The following DPYD variants were observed in gnomAD, a reference collection of about 807,000 sequenced individuals.
DPYD encodes dihydropyrimidine dehydrogenase [NADP(+)].
In DPYD, 109 loss-of-function variants were observed where a neutral mutation model predicts 116.2. That is an observed-to-expected ratio of 0.94 (90% confidence interval 0.80 to 1.10). The LOEUF (loss-of-function observed/expected upper bound fraction) is 1.10, where lower values mean the gene tolerates loss of function less well. DPYD is among the 50% of genes least tolerant of loss of function. The pLI, the probability that DPYD is intolerant of heterozygous loss-of-function variation, is 0.00. For missense variants in DPYD, 1,302 were observed against 1,254.5 expected, an observed-to-expected ratio of 1.04 and a Z score of -0.57; for synonymous variants, 440 against 432.0, an observed-to-expected ratio of 1.02 and a Z score of -0.23.
At chr1:97,371,992 T>A (rs1342165602) in intron 16 of DPYD, among the ~76,000 whole-genome samples, 1 of 152,170 alleles carries the variant, frequency 6.6e-6, no homozygotes, top group East Asian at 1.9e-4. Flanking sequence ...AAACTTTATG[T>A]GGCTAAATAA....
intron 1 of DPYD, among the ~76,000 whole-genome samples, chr1:97,912,706 G>C (rs536164743): frequency 1.3e-5 from 2 of 152,000 alleles, no homozygotes; most frequent in African/African-American, 4.8e-5. Flanking sequence ...ATTACACTAA[G>C]GTTACACTAA....
intron 8 of DPYD, among the ~76,000 whole-genome samples, chr1:97,604,167 A>G (rs1655430803): frequency 6.6e-6 from 1 of 152,128 alleles, no homozygotes; most frequent in Non-Finnish European, 1.5e-5. Flanking sequence ...GAAACGATGG[A>G]GAGCTGCTCA....
chr1:97,772,346 CTTTT>C (rs1666188406), intron 3 of DPYD, among the ~76,000 whole-genome samples: 1 of 152,082 alleles, frequency 6.6e-6, no homozygotes, highest in Non-Finnish European at 1.5e-5. Flanking sequence ...TTCTTTCTTT[CTTTT>C]ATTAAAGGAA....
At chr1:97,145,094 C>A (rs914683081) in intron 20 of DPYD, among the ~76,000 whole-genome samples, 1 of 152,074 alleles carries the variant, frequency 6.6e-6, no homozygotes, top group African/African-American at 2.4e-5. Context: ...CCTTGCTAAA[C>A]GTACTGCAGT....
intron 3 of DPYD, among the ~76,000 whole-genome samples, chr1:97,827,886 T>C (rs1383018025): frequency 6.6e-6 from 1 of 152,148 alleles, no homozygotes; most frequent in Admixed American, 6.5e-5. Context: ...CCCTTAAGCA[T>C]TTTAAGTAAC....
chr1:97,714,524 T>C (rs1036464983), intron 5 of DPYD, among the ~76,000 whole-genome samples: 6 of 151,944 alleles, frequency 3.9e-5, no homozygotes, highest in Non-Finnish European at 8.8e-5. Flanking sequence ...AGACCCCTTC[T>C]AAGGCCTTGT....
At chr1:97,094,120 C>A (rs112869512) in intron 21 of DPYD, among the ~76,000 whole-genome samples, 4 of 152,158 alleles carry the variant, frequency 2.6e-5, no homozygotes, top group African/African-American at 9.6e-5. Flanking sequence ...CTTTCTCAGT[C>A]TTCATTCATT....
chr1:97,664,531 C>T (rs1557869743), intron 8 of DPYD, among the ~76,000 whole-genome samples: 1 of 151,796 alleles, frequency 6.6e-6, no homozygotes, highest in Admixed American at 6.6e-5. Flanking sequence ...TGTATATCTA[C>T]ATAATATATA....
At chr1:97,457,083 C>T (rs1262591708) in intron 13 of DPYD, among the ~76,000 whole-genome samples, 4 of 151,916 alleles carry the variant, frequency 2.6e-5, no homozygotes, top group South Asian at 2.1e-4. Context: ...AGATACTCTA[C>T]GTAAGCAGGG....
intron 12 of DPYD, among the ~76,000 whole-genome samples, chr1:97,530,940 C>G (rs919903576): frequency 6.6e-6 from 1 of 152,086 alleles, no homozygotes; most frequent in African/African-American, 2.4e-5. Context: ...ATTCAAGTCC[C>G]TTGCTAATTT....
chr1:97,193,765 C>T (rs1241004829), intron 19 of DPYD, among the ~76,000 whole-genome samples: 2 of 142,350 alleles, frequency 1.4e-5, no homozygotes, highest in Non-Finnish European at 3.0e-5. Flanking sequence ...CAACTATGAT[C>T]CAGTTACCCA....
At chr1:97,636,674 C>T (rs1657579934) in intron 8 of DPYD, among the ~76,000 whole-genome samples, 1 of 151,526 alleles carries the variant, frequency 6.6e-6, no homozygotes, top group Non-Finnish European at 1.5e-5. Flanking sequence ...CTTTTGCTTC[C>T]CCACTTCTCT....
chr1:97,724,216 T>C (rs1663079468), intron 4 of DPYD, among the ~76,000 whole-genome samples: 1 of 151,252 alleles, frequency 6.6e-6, no homozygotes, highest in Non-Finnish European at 1.5e-5. Flanking sequence ...CTTCCTCCAA[T>C]ATCAAGAAAA....
intron 8 of DPYD, among the ~76,000 whole-genome samples, chr1:97,644,672 C>T (rs1308931510): frequency 6.6e-6 from 1 of 151,146 alleles, no homozygotes; most frequent in Admixed American, 6.6e-5. Flanking sequence ...ATTGGCCAGG[C>T]TGGTCTCAAA....
chr1:97,176,240 A>G (rs1657248920), intron 20 of DPYD, among the ~76,000 whole-genome samples: 1 of 152,234 alleles, frequency 6.6e-6, no homozygotes, highest in Non-Finnish European at 1.5e-5. Flanking sequence ...ACCTCCCACA[A>G]GCTGATGCCT....
intron 20 of DPYD, among the ~76,000 whole-genome samples, chr1:97,167,523 C>T (rs1324029389): frequency 6.6e-6 from 1 of 152,054 alleles, no homozygotes; most frequent in Non-Finnish European, 1.5e-5. Context: ...CTACAAAAGT[C>T]TACAGCAAAA....
At chr1:97,797,284 G>A (rs546112945) in intron 3 of DPYD, 5 of 152,078 alleles carry the variant, frequency 3.3e-5, no homozygotes, top group South Asian at 2.1e-4. Context: ...CTGACAGCTC[G>A]GCAACCCTGA....
chr1:97,906,440 A>T (rs1302714563), intron 1 of DPYD, among the ~76,000 whole-genome samples: 1 of 152,068 alleles, frequency 6.6e-6, no homozygotes, highest in East Asian at 1.9e-4. Context: ...TATCAAAAGC[A>T]CATTTAGAGG....
chr1:97,675,610 C>A (rs1557876138), intron 8 of DPYD, among the ~76,000 whole-genome samples: 1 of 152,004 alleles, frequency 6.6e-6, no homozygotes, highest in Non-Finnish European at 1.5e-5. Context: ...ATACAATGGG[C>A]TTAATGAGCT....
Sources: gnomAD v4.1 joint callset for allele counts (sites outside exome capture counted in the v4.1 genomes callset) on GRCh38, gnomAD v4.1.1 for gene constraint, MANE v1.5 for transcripts, NCBI Gene and HGNC (gene_info 2026-07-23, HGNC 2026-07-21) for gene names.